The following MYH7B variants were observed in gnomAD, a reference collection of about 807,000 sequenced individuals.
MYH7B encodes the protein myosin-7B.
In MYH7B, 205 loss-of-function variants were observed where a neutral mutation model predicts 234.5. The observed-to-expected ratio is 0.87, with a 90% CI of 0.78 to 0.98. The LOEUF is 0.98. MYH7B is among the 50% of genes least tolerant of loss of function. The probability of loss-of-function intolerance (pLI) is 0.00; values close to 1 mark genes in which losing one functional copy is unlikely to be tolerated. For missense variants in MYH7B, 2,652 were observed against 2,633.4 expected (o/e 1.01, Z -0.15); for synonymous variants, 1,193 against 1,105.0 (o/e 1.08, Z -1.58).
chr20:34,991,748 T>C (rs2082154909), intron 24 of MYH7B, among the ~76,000 whole-genome samples: 1 of 152,180 alleles, frequency 6.6e-6, no homozygotes, highest in Non-Finnish European at 1.5e-5. Context: ...CCATCGTTCC[T>C]TCTCCCTCCA....
At position 34,996,336 on chromosome 20, in the gene MYH7B, C is replaced by T. The variant is rs1357404114; in HGVS notation, c.2944-10C>T. The T allele has an allele frequency of 1.3e-6, 2 of 1,573,770 alleles. No homozygotes were observed. Among genetic ancestry groups the T allele is most frequent in the African/African-American group, 2.7e-5 (2 of 73,864 alleles). On this transcript the variant is annotated splice_polypyrimidine_tract_variant and intron_variant, in intron 28 of 44. Transcript: ENST00000262873. ...AGGGCGTCCCCATTCTGGCCCTGGC[C>T]CTGGCACAGGTGAAGAACCTGACGG...
chr20:34,998,534 G>A, exon 34 of MYH7B: 1 of 1,613,696 alleles, frequency 6.2e-7, no homozygotes, highest in Non-Finnish European at 8.5e-7. Flanking sequence ...CCTGCTAGAG[G>A]AGAAGGAGTG....
intron 22 of MYH7B, 119 bp from the exon 23 acceptor site, chr20:34,990,618 GA>G: frequency 1.1e-6 from 1 of 900,818 alleles, no homozygotes; most frequent in South Asian, 1.4e-5. Flanking sequence ...GAATGAGAGT[GA>G]AAGAGCAAAA....
Position 34,987,712 on chromosome 20 carries a change from C to G in MYH7B, c.1266+37C>G, listed in dbSNP as rs371886151. ...GCAGGCCAAACCCATGGGGGACAGC[C>G]GGGCAGGGTCCCCTCCTTGCCAGGT... On this transcript the variant is annotated intron_variant, in intron 17 of 44. Transcript: ENST00000262873. 5 of 1,612,184 alleles carry G rather than the reference C, an allele frequency of 3.1e-6. No individual in the cohort carries two copies. The African/African-American group carries it at 6.7e-5, about 22-fold the overall frequency.
rs766198542 is a variant in MYH7B, at chr20:34,979,785, A to T, written c.323A>T (p.Tyr108Phe). 3 of 1,613,744 alleles carry T rather than the reference A, an allele frequency of 1.9e-6. No individual in the cohort carries two copies. The highest frequency in any genetic ancestry group is 4.5e-5 in the East Asian group (2 of 44,848). Residue 108 changes from tyrosine (Y) to phenylalanine (F), a missense_variant, in exon 7 of 45, where the codon TAT (tyrosine) becomes TTT (phenylalanine). Around this residue, in one of 3 missense-constraint regions of MYH7B, gnomAD observed 366 missense variants for 401.2 expected, o/e 0.91. Transcript: ENST00000262873. ...GTGCTGCACAACCTGCGCCAGCGCT[A>T]TGCCCGCTGGATGATCTATGTGAGC...
At chr20:34,960,133 T>C (rs2081679429) in intron 2 of MYH7B, among the ~76,000 whole-genome samples, 1 of 152,234 alleles carries the variant, frequency 6.6e-6, no homozygotes, top group South Asian at 2.1e-4. Flanking sequence ...TGAAAAAAGG[T>C]ATGCAGGGAT....
At chr20:34,977,738 G>GGGGGGGGGGGGGGGGGGGGGGGGCCCCC in intron 4 of MYH7B, 58 bp downstream of exon 4, 2 of 317,140 alleles carry the variant, frequency 6.3e-6, no homozygotes, top group Non-Finnish European at 1.2e-5. Flanking sequence ...GGGCGGGTGG[G>GGGGGGGGGGGGGGGGGGGGGGGGCCCCC]TGAGGGTGCC....
At chr20:34,994,078 G>A (rs2082206261) in intron 26 of MYH7B, 68 bp from the exon 27 acceptor site, 3 of 1,580,760 alleles carry the variant, frequency 1.9e-6, no homozygotes, top group Non-Finnish European at 2.6e-6. Flanking sequence ...CAAGTGAACT[G>A]TGCTGAGTGT....
rs1231944262 is a variant in MYH7B, at chr20:34,958,873, G to A, written c.-222+661G>A. On this transcript the variant is annotated intron_variant, in intron 2 of 44. Transcript: ENST00000262873. ...CATGAAAATGGGCCATGTCTGTCTT[G>A]TTCACCACTTTACCCCCAGGACCTG... 2.0e-5 allele frequency among the ~76,000 whole-genome samples: 3 copies of A among 152,142 alleles called. No individual in the cohort carries two copies. In the East Asian group the frequency reaches 5.8e-4, roughly 29 times the overall value.
chr20:34,990,120 A>G (rs540555506), exon 21 of MYH7B: 38 of 1,614,120 alleles, frequency 2.4e-5, no homozygotes, highest in Middle Eastern at 1.6e-4. Context: ...GCGACTCTCT[A>G]TGAGAATTAT....
Position 34,998,646 on chromosome 20 carries a change from G to A in MYH7B, c.3993+17G>A, listed in dbSNP as rs1263258930. The stretch of plus-strand genomic sequence containing the variant: ...GAAAGCAAGGTGGGCTGGCACCGGT[G>A]ACCATGGAGTGGGCAGGTGGGCACC... On this transcript the variant is annotated intron_variant, in intron 34 of 44. Transcript: ENST00000262873. 9 of 1,612,712 alleles carry A rather than the reference G, an allele frequency of 5.6e-6. No homozygotes were observed. Among genetic ancestry groups the A allele is most frequent in the Non-Finnish European group, 7.6e-6 (9 of 1,179,860 alleles).
chr20:34,997,455 G>A (rs2082283207), exon 32 of MYH7B: 2 of 1,489,738 alleles, frequency 1.3e-6, no homozygotes, highest in Non-Finnish European at 1.8e-6. Flanking sequence ...GCTGGAGGAG[G>A]CGGCGCTGCG....
intron 2 of MYH7B, among the ~76,000 whole-genome samples, chr20:34,973,806 G>A (rs749353546): frequency 9.1e-4 from 138 of 152,202 alleles, no homozygotes; most frequent in Middle Eastern, 3.2e-3. Flanking sequence ...TGCCCAGGCT[G>A]GAGTGCAGTG....
In MYH7B at chr20:34,958,358, G is replaced by A. The variant is rs182566333; in HGVS notation, c.-222+146G>A. On this transcript the variant is annotated intron_variant, in intron 2 of 44. Transcript: ENST00000262873. ...TTTCCAGGGAGCGTTTGCCCTTTCT[G>A]CACTCTCTGCCTGGGTGCTTTCCTC... Among the ~76,000 whole-genome samples the A allele has an allele frequency of 6.6e-3, 1,009 of 152,256 alleles. 10 individuals carry two copies. The highest frequency in any genetic ancestry group is 0.021 in the African/African-American group (893 of 41,542).
Position 34,990,997 on chromosome 20 carries a change from C to A in MYH7B, c.2066-7C>A. 6.2e-7 allele frequency: 1 copy of A among 1,607,338 alleles called. No individual in the cohort carries two copies. The highest frequency in any genetic ancestry group is 8.5e-7 in the Non-Finnish European group (1 of 1,175,564). ...TGACCTCTGACCTTTTCCCCTCTCA[C>A]GTCCAGGGGTCATGGATGCCTTCTT... On this transcript the variant is annotated splice_region_variant and splice_polypyrimidine_tract_variant and intron_variant, in intron 23 of 44. Transcript: ENST00000262873.
intron 2 of MYH7B, among the ~76,000 whole-genome samples, chr20:34,963,628 A>G (rs2081717656): frequency 6.6e-6 from 1 of 152,230 alleles, no homozygotes; most frequent in African/African-American, 2.4e-5. Context: ...TGTGCTTTGA[A>G]TGTCATATCT....
Position 34,986,125 on chromosome 20 carries a change from C to CT in MYH7B, c.833dup (p.Gln279ProfsTer5). The CT allele has an allele frequency of 6.3e-7, 1 of 1,592,622 alleles. No homozygotes were observed. The highest frequency in any genetic ancestry group is 1.7e-5 in the Admixed American group (1 of 57,356). ...ATCTCCTGGAGAAGTCGCGGGTGAT[C>CT]TTCCAGTTGCCTGGTGAGCGCAGCT... is the stretch of plus-strand genomic sequence containing the variant. On this transcript the variant is annotated frameshift_variant, in exon 14 of 45. Transcript: ENST00000262873. LOFTEE classifies it high-confidence loss of function.
chr20:34,989,977 C>G (rs2082111284), intron 20 of MYH7B, 37 bp from the exon 21 acceptor site: 1 of 1,613,334 alleles, frequency 6.2e-7, no homozygotes, highest in Admixed American at 1.7e-5. Context: ...TGCTCCAGGT[C>G]TCCCACCCGG....
intron 35 of MYH7B, 53 bp from the exon 36 acceptor site, chr20:34,999,003 G>C: frequency 1.3e-6 from 2 of 1,582,196 alleles, no homozygotes; most frequent in Non-Finnish European, 8.6e-7. Context: ...GGAGCTGCTG[G>C]GGCTGTTCTC....
Sources: allele counts gnomAD v4.1 joint callset (sites outside exome capture counted in the v4.1 genomes callset), GRCh38; gene constraint gnomAD v4.1.1; regional missense constraint gnomAD v4.1.1; transcripts MANE v1.5; gene names NCBI Gene and HGNC (gene_info 2026-07-23, HGNC 2026-07-21).